PRKG1: variants seen among roughly 807,000 people sequenced by gnomAD.
The protein encoded by PRKG1 is protein kinase cGMP-dependent 1, also known as cGMP-dependent protein kinase 1.
PRKG1 carries 35 observed loss-of-function variants against 88.1 expected under a neutral mutation model. The observed-to-expected ratio is 0.40, with a 90% CI of 0.30 to 0.53. The LOEUF (loss-of-function observed/expected upper bound fraction) is 0.53, where lower values mean the gene tolerates loss of function less well. Ranked by LOEUF, PRKG1 falls within the 20% of genes least tolerant of loss-of-function variation. The probability of loss-of-function intolerance (pLI) is 0.59; values close to 1 mark genes in which losing one functional copy is unlikely to be tolerated. For missense variants in PRKG1, 540 were observed against 839.8 expected (o/e 0.64, Z 4.41); for synonymous variants, 303 against 292.5 (o/e 1.04, Z -0.37).
intron 7 of PRKG1, among the ~76,000 whole-genome samples, chr10:52,076,299 G>C (rs748888409): frequency 3.3e-5 from 5 of 152,240 alleles, no homozygotes; most frequent in Non-Finnish European, 5.9e-5. Flanking sequence ...GCTCACGCCC[G>C]TAGTCCCAGC....
In PRKG1 at chr10:50,991,467, A is replaced by G. The variant is rs1842781285; in HGVS notation, c.89A>G (p.Glu30Gly). 7 of 1,608,676 alleles carry G rather than the reference A, an allele frequency of 4.4e-6. No homozygotes were observed. The African/African-American group carries it at 9.4e-5, about 21-fold the overall frequency. The change falls in exon 1 of 18, where the codon GAG becomes GGG. Residue 30 changes from glutamate to glycine, a missense_variant. Glu to Gly is a moderately conservative substitution (Grantham distance 98). Coordinates refer to the PRKG1 transcript ENST00000401604. The surrounding 1 kb of genome is among the most constrained non-coding windows in gnomAD (Gnocchi z 4.5). ...CTGGAGAAGCGGCTGTCAGAGAAGG[A>G]GGAAGAAATTCAGGAGCTGAAGAGG...
At chr10:51,096,902 T>A (rs1359104273) in intron 1 of PRKG1, among the ~76,000 whole-genome samples, 3 of 152,208 alleles carry the variant, frequency 2.0e-5, no homozygotes, top group African/African-American at 7.2e-5. Flanking sequence ...ATGCCAGGGA[T>A]GCTGCTATGT....
At chr10:51,574,076 G>C (rs752658218) in intron 3 of PRKG1, among the ~76,000 whole-genome samples, 1 of 151,852 alleles carries the variant, frequency 6.6e-6, no homozygotes, top group African/African-American at 2.4e-5. Context: ...TCTGGCCCCA[G>C]GAATTCAAAA....
At chr10:51,025,740 C>A (rs955415536) in intron 1 of PRKG1, among the ~76,000 whole-genome samples, 2 of 152,132 alleles carry the variant, frequency 1.3e-5, no homozygotes, top group Non-Finnish European at 2.9e-5. Flanking sequence ...ACTCCTCAGG[C>A]ACCACAAGTT....
intron 2 of PRKG1, among the ~76,000 whole-genome samples, chr10:51,257,775 A>G (rs1839602944): frequency 6.6e-6 from 1 of 152,088 alleles, no homozygotes; most frequent in African/African-American, 2.4e-5. Flanking sequence ...TTCCTGAACC[A>G]TTCGCTGTGA....
chr10:51,954,900 T>C (rs1843267774), intron 5 of PRKG1, among the ~76,000 whole-genome samples: 1 of 152,172 alleles, frequency 6.6e-6, no homozygotes, highest in Admixed American at 6.6e-5. Context: ...TACCTATCAC[T>C]GAGCTTCAGT....
intron 3 of PRKG1, among the ~76,000 whole-genome samples, chr10:51,743,090 C>T (rs893950910): frequency 5.3e-5 from 8 of 151,916 alleles, no homozygotes; most frequent in Admixed American, 6.6e-5. Context: ...ACACAGAGAC[C>T]GGCAGCTCTT....
At chr10:51,015,362 A>G (rs528345936) in intron 1 of PRKG1, among the ~76,000 whole-genome samples, 1 of 152,218 alleles carries the variant, frequency 6.6e-6, no homozygotes. Flanking sequence ...GTTGTATATC[A>G]AACGTTATTT....
intron 2 of PRKG1, among the ~76,000 whole-genome samples, chr10:51,367,940 A>T (rs1182053827): frequency 2.0e-5 from 3 of 151,946 alleles, no homozygotes; most frequent in Non-Finnish European, 2.9e-5. Context: ...CAGCCAAACC[A>T]GTCTACAAAC....
intron 3 of PRKG1, among the ~76,000 whole-genome samples, chr10:51,628,152 CTTTCTTTCTTTA>C (rs1454294304): frequency 0.015 from 338 of 22,898 alleles, 1 homozygote; most frequent in Middle Eastern, 0.083. Context: ...TTCTTTCTTT[CTTTCTTTCTTTA>C]TTTATTTCTT....
chr10:51,266,341 G>C (rs1839835452), intron 2 of PRKG1, among the ~76,000 whole-genome samples: 1 of 152,100 alleles, frequency 6.6e-6, no homozygotes. Flanking sequence ...CAACAGACTA[G>C]AGAAAAAAGG....
chr10:52,123,451 C>G (rs1847866026), intron 7 of PRKG1, among the ~76,000 whole-genome samples: 1 of 152,096 alleles, frequency 6.6e-6, no homozygotes, highest in Non-Finnish European at 1.5e-5. Context: ...CAGAGACTGC[C>G]TTGGGTAAAC....
At chr10:52,089,657 T>C (rs1440134276) in intron 7 of PRKG1, among the ~76,000 whole-genome samples, 6 of 152,116 alleles carry the variant, frequency 3.9e-5, no homozygotes. Flanking sequence ...TGAATGCAGA[T>C]AAGTAGAGAA....
At position 51,625,913 on chromosome 10, in the gene PRKG1, C is replaced by T. The variant is rs1344022345; in HGVS notation, c.592+158077C>T. Among the ~76,000 whole-genome samples, 3 of 152,226 alleles carry T rather than the reference C, an allele frequency of 2.0e-5. No homozygotes were observed. The East Asian group carries it at 5.8e-4, about 29-fold the overall frequency. On this transcript the variant is annotated intron_variant, in intron 3 of 17. Transcript: ENST00000373980. ...AGTTACACTTCTCCCCATGTATATT[C>T]TTATGGAACTTGTCATTCACTCTAC...
At chr10:51,326,586 C>A in intron 2 of PRKG1, among the ~76,000 whole-genome samples, 1 of 152,128 alleles carries the variant, frequency 6.6e-6, no homozygotes. Flanking sequence ...AGTTTGCTAG[C>A]TTTGCCTTTA....
chr10:51,868,967 C>T (rs1435414720), intron 4 of PRKG1, among the ~76,000 whole-genome samples: 6 of 152,130 alleles, frequency 3.9e-5, no homozygotes, highest in Non-Finnish European at 8.8e-5. Flanking sequence ...GTGCTTAGGG[C>T]ATTTTCCCAG....
intron 1 of PRKG1, among the ~76,000 whole-genome samples, chr10:51,148,900 A>G (rs1000047518): frequency 2.0e-5 from 3 of 151,988 alleles, no homozygotes; most frequent in Admixed American, 1.3e-4. Flanking sequence ...TATAAATCAT[A>G]CCCCTTTTTA....
intron 3 of PRKG1, among the ~76,000 whole-genome samples, chr10:51,519,828 A>T (rs150875129): frequency 6.6e-6 from 1 of 152,184 alleles, no homozygotes; most frequent in Non-Finnish European, 1.5e-5. Flanking sequence ...GCGACAGCTA[A>T]ATTAGCAGAA....
intron 2 of PRKG1, among the ~76,000 whole-genome samples, chr10:51,270,218 T>C (rs549924965): frequency 2.4e-4 from 37 of 152,318 alleles, no homozygotes; most frequent in African/African-American, 8.9e-4. Context: ...TTACTTTGTA[T>C]CAAATGGACA....
Sources: allele counts gnomAD v4.1 joint callset (sites outside exome capture counted in the v4.1 genomes callset), GRCh38; gene constraint gnomAD v4.1.1; non-coding constraint Gnocchi (gnomAD v3.1); transcripts MANE v1.5; gene names NCBI Gene and HGNC (gene_info 2026-07-23, HGNC 2026-07-21).